The following KIFBP variants were observed in gnomAD, a reference collection of about 807,000 sequenced individuals.
The protein encoded by KIFBP is kinesin family binding protein.
Under a neutral mutation model 58.9 loss-of-function variants are expected in KIFBP, and 46 were observed. The observed-to-expected ratio is 0.78, with a 90% CI of 0.62 to 1.00. The LOEUF is 1.00. Among genes scored for constraint, KIFBP ranks in the 50% least tolerant of loss-of-function variants. The pLI, the probability that KIFBP is intolerant of heterozygous loss-of-function variation, is 0.00. For synonymous variants in KIFBP, 241 were observed against 283.4 expected, an observed-to-expected ratio of 0.85 and a Z score of 1.50; for missense variants, 651 against 752.9, an observed-to-expected ratio of 0.86 and a Z score of 1.58.
intron 2 of KIFBP, among the ~76,000 whole-genome samples, chr10:69,004,006 G>T (rs549031919): frequency 1.6e-3 from 239 of 152,098 alleles, no homozygotes; most frequent in African/African-American, 5.6e-3. Context: ...CGGATCATGA[G>T]ATCAAGAGAT....
At chr10:69,004,474 C>T (rs1843509942) in intron 2 of KIFBP, among the ~76,000 whole-genome samples, 1 of 152,130 alleles carries the variant, frequency 6.6e-6, no homozygotes, top group South Asian at 2.1e-4. Context: ...ACTGCAACAA[C>T]AGTAAAATTT....
chr10:68,989,324 C>T (rs1432354781), intron 1 of KIFBP, 66 bp downstream of exon 1: 83 of 1,546,982 alleles, frequency 5.4e-5, no homozygotes, highest in Non-Finnish European at 6.9e-5. Flanking sequence ...GGAGCCCCTG[C>T]CAAGGCCAAG....
At chr10:69,014,608 G>C (rs766237341) in intron 6 of KIFBP, among the ~76,000 whole-genome samples, 1 of 152,070 alleles carries the variant, frequency 6.6e-6, no homozygotes. Context: ...GTGAGACAGT[G>C]TCAAGTGAAA....
intron 1 of KIFBP, among the ~76,000 whole-genome samples, chr10:68,998,983 G>A (rs890699929): frequency 1.3e-5 from 2 of 150,812 alleles, no homozygotes; most frequent in African/African-American, 2.4e-5. Flanking sequence ...GTTTCACCAC[G>A]TTGGCCAGGC....
At chr10:69,014,057 T>G (rs947091251) in intron 6 of KIFBP, among the ~76,000 whole-genome samples, 7 of 152,160 alleles carry the variant, frequency 4.6e-5, no homozygotes, top group Non-Finnish European at 8.8e-5. Flanking sequence ...ACCCCTGACT[T>G]TATTTTTTAA....
At chr10:68,992,640 T>C (rs1843362495) in intron 1 of KIFBP, among the ~76,000 whole-genome samples, 1 of 152,168 alleles carries the variant, frequency 6.6e-6, no homozygotes, top group South Asian at 2.1e-4. Context: ...GACTTTTGTT[T>C]GGGGTAAGTT....
chr10:69,006,097 G>T (rs1843532797), intron 4 of KIFBP, 182 bp downstream of exon 4: 1 of 592,562 alleles, frequency 1.7e-6, no homozygotes, highest in Admixed American at 3.2e-5. Context: ...TTTGTTGTAT[G>T]AATTATTTTG....
intron 1 of KIFBP, among the ~76,000 whole-genome samples, chr10:68,994,691 A>C (rs1157727721): frequency 1.3e-5 from 2 of 152,102 alleles, no homozygotes; most frequent in African/African-American, 4.8e-5. Context: ...AGATTCATTG[A>C]GTTGCAATTG....
At position 69,015,416 on chromosome 10, in the gene KIFBP, C is replaced by G. The variant is rs550159291; in HGVS notation, c.991-125C>G. 7.2e-6 allele frequency: 6 copies of G among 831,234 alleles called. No individual in the cohort carries two copies. The East Asian group carries it at 1.5e-4, about 21-fold the overall frequency. The allele number at this position is 831,234 out of a possible 1,614,324, so 51.5% of individuals were successfully genotyped here. ...TCAAAGGTGTTTAAGATTATGATAC[C>G]CTTCTAAACCAGGCTGGAAAGTAAG... On this transcript the variant is annotated intron_variant, in intron 6 of 6. Transcript: ENST00000361983.
intron 1 of KIFBP, among the ~76,000 whole-genome samples, chr10:68,992,722 TTAAG>T (rs1448594102): frequency 6.6e-6 from 1 of 152,160 alleles, no homozygotes. Context: ...ACAAATCAGT[TTAAG>T]TAATGGAGTA....
At chr10:69,012,860 T>C (rs1277596693) in intron 6 of KIFBP, among the ~76,000 whole-genome samples, 1 of 152,072 alleles carries the variant, frequency 6.6e-6, no homozygotes, top group Admixed American at 6.6e-5. Flanking sequence ...ACCACTGCAC[T>C]CCAGCCTGGG....
chr10:69,009,918 C>A (rs1338512364), intron 5 of KIFBP, among the ~76,000 whole-genome samples: 1 of 152,068 alleles, frequency 6.6e-6, no homozygotes, highest in African/African-American at 2.4e-5. Context: ...AATTGTGGAT[C>A]TGAAAAATGC....
chr10:68,998,981 A>G (rs999635516), intron 1 of KIFBP, among the ~76,000 whole-genome samples: 4 of 151,500 alleles, frequency 2.6e-5, no homozygotes, highest in Non-Finnish European at 4.4e-5. Flanking sequence ...GGGTTTCACC[A>G]CGTTGGCCAG....
Position 68,988,934 on chromosome 10 carries a change from G to A in KIFBP, c.102G>A (p.Lys34=), listed in dbSNP as rs931854713. ...AAAATCCGGAGAAGGAACCATACAA[G>A]TCCAAATACAGCGCCCGGGCGCTAC... ...LHKNPEKEPY[K]SKYSARALLE... Residue 34 remains lysine, a synonymous_variant, in exon 1 of 7, where the codon AAG becomes AAA. Coordinates refer to ENST00000361983, the MANE Select transcript of KIFBP (RefSeq NM_015634.4). 1 of 1,614,272 alleles carries A rather than the reference G, an allele frequency of 6.2e-7. No homozygotes were observed. The highest frequency in any genetic ancestry group is 8.5e-7 in the Non-Finnish European group (1 of 1,180,056).
At position 69,015,895 on chromosome 10, in the gene KIFBP, C is replaced by A; in HGVS notation, c.1345C>A (p.Arg449Ser). Reference sequence around the variant, plus strand: ...GGAGAGACGGTGCAAGATGCATAAACGCAGAATAGCCATGCTAGAGCCCCT... The same window carrying A: ...GGAGAGACGGTGCAAGATGCATAAAAGCAGAATAGCCATGCTAGAGCCCCT... Reference protein sequence around the residue: ...DMERRCKMHKRRIAMLEPLTV... With the variant: ...DMERRCKMHKSRIAMLEPLTV... The change falls in exon 7 of 7, where the codon CGC becomes AGC. Residue 449 changes from arginine (R) to serine (S), a missense_variant. Transcript: ENST00000361983. The A allele has an allele frequency of 6.2e-7, 1 of 1,614,090 alleles. No individual in the cohort carries two copies. Among genetic ancestry groups the A allele is most frequent in the African/African-American group, 1.3e-5 (1 of 75,002 alleles).
chr10:69,014,725 C>T (rs368684091), intron 6 of KIFBP, among the ~76,000 whole-genome samples: 3 of 143,368 alleles, frequency 2.1e-5, no homozygotes, highest in Admixed American at 1.4e-4. Context: ...TGCCCCCCCC[C>T]ACCCCCAAGA....
chr10:68,991,881 C>T (rs1221533251), intron 1 of KIFBP, among the ~76,000 whole-genome samples: 4 of 151,636 alleles, frequency 2.6e-5, no homozygotes, highest in African/African-American at 9.7e-5. Flanking sequence ...TTATAACATG[C>T]CTGTACCTTG....
chr10:69,004,076 TG>T (rs746415857), intron 2 of KIFBP, among the ~76,000 whole-genome samples: 12 of 151,680 alleles, frequency 7.9e-5, no homozygotes, highest in Non-Finnish European at 1.5e-4. Flanking sequence ...AAAAATTAGC[TG>T]GGGGTGGTGG....
intron 2 of KIFBP, among the ~76,000 whole-genome samples, chr10:69,001,704 A>G (rs1843467629): frequency 6.6e-6 from 1 of 152,004 alleles, no homozygotes; most frequent in African/African-American, 2.4e-5. Context: ...GTGAACTGAG[A>G]TCACGCCACT....
Sources: allele counts gnomAD v4.1 joint callset (sites outside exome capture counted in the v4.1 genomes callset), GRCh38; gene constraint gnomAD v4.1.1; transcripts MANE v1.5; gene names NCBI Gene and HGNC (gene_info 2026-07-23, HGNC 2026-07-21).